Variants in ATP2B1 observed in about 807,000 individuals in gnomAD.
The protein encoded by ATP2B1 is plasma membrane calcium-transporting ATPase 1.
Under a neutral mutation model 124.2 loss-of-function variants are expected in ATP2B1, and 14 were observed. The observed-to-expected ratio is 0.11, with a 90% CI of 0.07 to 0.18. ATP2B1 has a LOEUF of 0.18. ATP2B1 is among the 10% of genes least tolerant of loss of function. ATP2B1 has a pLI of 1.00. For synonymous variants in ATP2B1, 449 were observed against 492.4 expected (o/e 0.91, Z 1.17); for missense variants, 763 against 1,466.1 (o/e 0.52, Z 7.83).
At chr12:89,599,347 G>T in intron 19 of ATP2B1, 48 bp from the exon 20 acceptor site, 1 of 1,582,354 alleles carries the variant, frequency 6.3e-7, no homozygotes, top group Non-Finnish European at 8.6e-7. Context: ...TCAAGTAAAG[G>T]TAAGCTGATC....
chr12:89,669,826 G>C (rs1160157506), intron 1 of ATP2B1, among the ~76,000 whole-genome samples: 5 of 152,066 alleles, frequency 3.3e-5, no homozygotes, highest in Non-Finnish European at 2.9e-5. Context: ...ATATATATTT[G>C]TTAAATAAAC....
intron 1 of ATP2B1, among the ~76,000 whole-genome samples, chr12:89,658,598 GGAGAGAGAGAGAGAGAGAGAGA>G (rs67298800): frequency 8.6e-5 from 6 of 69,578 alleles, no homozygotes; most frequent in South Asian, 1.3e-3. Flanking sequence ...AATTCAAACA[GGAGAGAGAGAGAGAGAGAGAGA>G]GAGAGAGAGA....
chr12:89,616,230 A>AGGG (rs1878941236), intron 12 of ATP2B1, among the ~76,000 whole-genome samples: 2 of 152,324 alleles, frequency 1.3e-5, no homozygotes, highest in Admixed American at 6.5e-5. Flanking sequence ...CAACAAACTT[A>AGGG]AAAAAGGTGA....
intron 11 of ATP2B1, 88 bp downstream of exon 11, chr12:89,619,911 C>T: frequency 6.6e-7 from 1 of 1,506,744 alleles, no homozygotes. Context: ...CTGATGTTCA[C>T]AAAAAGACAA....
chr12:89,684,422 G>C (rs1326235712), intron 1 of ATP2B1, among the ~76,000 whole-genome samples: 1 of 152,140 alleles, frequency 6.6e-6, no homozygotes, highest in Non-Finnish European at 1.5e-5. Flanking sequence ...GGAAGGCAAG[G>C]AAGAACCCTG....
At chr12:89,616,095 G>A (rs1225620709) in intron 12 of ATP2B1, among the ~76,000 whole-genome samples, 1 of 152,066 alleles carries the variant, frequency 6.6e-6, no homozygotes, top group Admixed American at 6.6e-5. Flanking sequence ...AATATCTTGG[G>A]TTGCAATAAT....
At chr12:89,659,928 A>C (rs546592564) in intron 1 of ATP2B1, among the ~76,000 whole-genome samples, 3 of 150,140 alleles carry the variant, frequency 2.0e-5, no homozygotes, top group South Asian at 2.1e-4. Flanking sequence ...AAAAAAAAAA[A>C]AACAAAAAAA....
Position 89,656,065 on chromosome 12 carries a change from GC to G in ATP2B1, c.-180del. The G allele has an allele frequency of 1.7e-6, 1 of 578,296 alleles. No homozygotes were observed. The highest frequency in any genetic ancestry group is 3.0e-5 in the South Asian group (1 of 33,088). 35.8% of individuals were successfully genotyped at this position (578,296 alleles called of 1,614,324 possible). On this transcript the variant is annotated 5_prime_UTR_variant, in exon 2 of 21. An upstream open reading frame in the 5' UTR loses its in-frame stop. Coordinates refer to ENST00000428670, the MANE Select transcript of ATP2B1 (RefSeq NM_001366521.1). ...TCCCAGAGAAGTATCTTGACCTTTG[GC>G]CCATGACTAGTTTCTCCATATCAAT...
chr12:89,706,838 A>G (rs1193348323), intron 1 of ATP2B1, among the ~76,000 whole-genome samples: 2 of 152,166 alleles, frequency 1.3e-5, no homozygotes, highest in Non-Finnish European at 2.9e-5. Context: ...TATGGTAGGA[A>G]ATTAACAGTT....
At chr12:89,609,259 A>C (rs1476603935) in intron 15 of ATP2B1, among the ~76,000 whole-genome samples, 1 of 152,190 alleles carries the variant, frequency 6.6e-6, no homozygotes. Flanking sequence ...CACAATGGCT[A>C]TGAATATTCA....
chr12:89,668,642 C>T (rs1887578074), intron 1 of ATP2B1, among the ~76,000 whole-genome samples: 1 of 152,128 alleles, frequency 6.6e-6, no homozygotes, highest in Admixed American at 6.5e-5. Context: ...GGATTACTTT[C>T]AAGATGGTGA....
chr12:89,603,316 T>C lies in ATP2B1; in HGVS notation c.2849-62A>G, dbSNP rs1876233651. 7 of 1,336,252 alleles carry C rather than the reference T, an allele frequency of 5.2e-6. No individual in the cohort carries two copies. Among genetic ancestry groups the C allele is most frequent in the African/African-American group, 3.0e-5 (2 of 67,530 alleles). 82.8% of individuals were successfully genotyped at this position (1,336,252 alleles called of 1,614,324 possible). On this transcript the variant is annotated intron_variant, in intron 17 of 20. Transcript: ENST00000428670. This position sits in a 1 kb window ranked among gnomAD's most constrained non-coding sequence, Gnocchi z 4.3. ...TACCAAATTAGATTTCAAGGAGGTA[T>C]ACAAATTACAACTTAGCTAGACCTT...
At chr12:89,704,511 GC>G (rs1187026893) in intron 1 of ATP2B1, among the ~76,000 whole-genome samples, 1 of 151,984 alleles carries the variant, frequency 6.6e-6, no homozygotes, top group African/African-American at 2.4e-5. Context: ...AATGAGAAGA[GC>G]AATGAGCAAA....
intron 12 of ATP2B1, among the ~76,000 whole-genome samples, 163 bp downstream of exon 12, chr12:89,616,639 C>A (rs1879020749): frequency 6.6e-6 from 1 of 151,726 alleles, no homozygotes; most frequent in Non-Finnish European, 1.5e-5. Context: ...TAAAAGCTAG[C>A]ATATGCACTG....
At chr12:89,673,232 A>G (rs1049563044) in intron 1 of ATP2B1, among the ~76,000 whole-genome samples, 2 of 152,222 alleles carry the variant, frequency 1.3e-5, no homozygotes, top group African/African-American at 4.8e-5. Context: ...ATAGCCTTGC[A>G]TATTTGTGAA....
chr12:89,615,604 T>TTA (rs1028302498), intron 12 of ATP2B1, among the ~76,000 whole-genome samples: 36 of 152,172 alleles, frequency 2.4e-4, no homozygotes, highest in African/African-American at 8.7e-4. Flanking sequence ...TGGTTTTCTG[T>TTA]TAGTGCTTTT....
intron 1 of ATP2B1, among the ~76,000 whole-genome samples, chr12:89,688,655 G>A (rs142997335): frequency 6.6e-6 from 1 of 152,072 alleles, no homozygotes; most frequent in African/African-American, 2.4e-5. Context: ...CTTTTGTCAC[G>A]GTTTAGGAAA....
chr12:89,702,525 A>G (rs532598010), intron 1 of ATP2B1, among the ~76,000 whole-genome samples: 9 of 152,362 alleles, frequency 5.9e-5, no homozygotes, highest in African/African-American at 1.9e-4. Flanking sequence ...ACAATGAATA[A>G]TAGATCCACA....
intron 1 of ATP2B1, among the ~76,000 whole-genome samples, chr12:89,702,915 T>C (rs977271499): frequency 2.1e-4 from 32 of 152,126 alleles, no homozygotes; most frequent in African/African-American, 7.7e-4. Context: ...TAATAGAAAA[T>C]AGCTTTTAAA....
Sources: gnomAD v4.1 joint callset for allele counts (sites outside exome capture counted in the v4.1 genomes callset) on GRCh38, gnomAD v4.1.1 for gene constraint, Gnocchi (gnomAD v3.1) non-coding constraint, MANE v1.5 for transcripts, NCBI Gene and HGNC (gene_info 2026-07-23, HGNC 2026-07-21) for gene names.